Variants in SND1 observed in about 807,000 individuals in gnomAD.
SND1 encodes the protein staphylococcal nuclease and tudor domain containing 1, also known as staphylococcal nuclease domain-containing protein 1.
In SND1, 38 loss-of-function variants were observed where a neutral mutation model predicts 121.7. The observed-to-expected ratio is 0.31, with a 90% CI of 0.24 to 0.41. SND1 has a LOEUF of 0.41. Ranked by LOEUF, SND1 falls within the 10% of genes least tolerant of loss-of-function variation. The pLI, the probability that SND1 is intolerant of heterozygous loss-of-function variation, is 1.00. For missense variants in SND1, 868 were observed against 1,184.6 expected, an observed-to-expected ratio of 0.73 and a Z score of 3.92; for synonymous variants, 401 against 447.4, an observed-to-expected ratio of 0.90 and a Z score of 1.31.
chr7:128,029,119 C>T lies in SND1; in HGVS notation c.1779+38063C>T, dbSNP rs1471897285. On this transcript the variant is annotated intron_variant, in intron 16 of 23. Coordinates refer to ENST00000354725, the MANE Select transcript of SND1 (RefSeq NM_014390.4). This position sits in a 1 kb window ranked among gnomAD's most constrained non-coding sequence, Gnocchi z 4.2. ...TGCATCTTGTCAGTGGTGTCTGTCG[C>T]GGGTACTGCCACCTGCTTGGGCACA... The T allele has an allele frequency of 5.0e-6, 8 of 1,613,978 alleles. No individual in the cohort carries two copies. Among genetic ancestry groups the T allele is most frequent in the East Asian group, 2.2e-5 (1 of 44,898 alleles).
intron 10 of SND1, among the ~76,000 whole-genome samples, chr7:127,794,538 A>T (rs1002206014): frequency 6.6e-6 from 1 of 152,230 alleles, no homozygotes; most frequent in Non-Finnish European, 1.5e-5. Flanking sequence ...ACAAAGAAGC[A>T]TTTCTCTAAC....
chr7:127,866,982 C>T (rs1799490499), intron 12 of SND1, among the ~76,000 whole-genome samples: 2 of 152,256 alleles, frequency 1.3e-5, no homozygotes, highest in Non-Finnish European at 2.9e-5. Context: ...TTCTTTTGTT[C>T]TCCTTGGGAT....
chr7:127,940,913 G>A lies in SND1; in HGVS notation c.1669+11584G>A, dbSNP rs1035554061. ...GAGGAGGCGTCATAGTTTCAGTCCT[G>A]GCACTGGACAGGGCCACTGACCACA... On this transcript the variant is annotated intron_variant, in intron 15 of 23. Coordinates refer to ENST00000354725, the MANE Select transcript of SND1 (RefSeq NM_014390.4). Among the ~76,000 whole-genome samples the A allele has an allele frequency of 5.9e-5, 9 of 152,348 alleles. No homozygotes were observed. The South Asian group carries it at 1.9e-3, about 32-fold the overall frequency.
chr7:127,686,770 T>C lies in SND1; in HGVS notation c.228+8T>C. 1 of 1,609,268 alleles carries C rather than the reference T, an allele frequency of 6.2e-7. No individual in the cohort carries two copies. Among genetic ancestry groups the C allele is most frequent in the South Asian group, 1.1e-5 (1 of 90,898 alleles). On this transcript the variant is annotated splice_region_variant and intron_variant, in intron 2 of 23. Transcript: ENST00000354725. ...AAGGATACCCCTGATGAGGTAGGTG[T>C]TTCCTGAGGCCATCGTGAGCCTGTG...
chr7:128,030,709 G>T, intron 16 of SND1: 1 of 1,499,958 alleles, frequency 6.7e-7, no homozygotes, highest in East Asian at 2.3e-5. Context: ...GCCCTACCCC[G>T]GCTTAAGTGA....
intron 15 of SND1, among the ~76,000 whole-genome samples, chr7:127,953,809 C>G (rs983759608): frequency 2.0e-5 from 3 of 152,194 alleles, no homozygotes; most frequent in Non-Finnish European, 2.9e-5. Context: ...TGGCAATTAT[C>G]ACTTCCTTCT....
chr7:127,885,977 G>C (rs957739939), intron 12 of SND1, among the ~76,000 whole-genome samples: 1 of 152,072 alleles, frequency 6.6e-6, no homozygotes. Flanking sequence ...GGGCCCCTTA[G>C]TGACAACCTT....
intron 13 of SND1, among the ~76,000 whole-genome samples, chr7:127,899,277 A>AACACACAC (rs3840645): frequency 1.3e-5 from 2 of 149,784 alleles, no homozygotes; most frequent in Non-Finnish European, 3.0e-5. Context: ...ACCTGCACAC[A>AACACACAC]ACACACACAC....
intron 13 of SND1, among the ~76,000 whole-genome samples, chr7:127,899,231 TG>T (rs1241538010): frequency 2.0e-5 from 3 of 152,210 alleles, no homozygotes; most frequent in African/African-American, 7.2e-5. Context: ...GAAAGTCATA[TG>T]TTGCAGTTTA....
At position 127,824,022 on chromosome 7, in the gene SND1, G is replaced by A. The variant is rs1197410611; in HGVS notation, c.1242+16449G>A. Among the ~76,000 whole-genome samples the A allele has an allele frequency of 2.0e-5, 3 of 152,128 alleles. No homozygotes were observed. The East Asian group carries it at 5.8e-4, about 29-fold the overall frequency. On this transcript the variant is annotated intron_variant, in intron 11 of 23. Transcript: ENST00000354725. ...GATTTGCGCTGGTATTAAATATTGAGTATGACGACAACAAAATGAAGCAGA... is the reference window on the plus strand; with the variant it reads ...GATTTGCGCTGGTATTAAATATTGAATATGACGACAACAAAATGAAGCAGA...
At chr7:127,719,341 A>G (rs1434279469) in intron 9 of SND1, among the ~76,000 whole-genome samples, 1 of 152,022 alleles carries the variant, frequency 6.6e-6, no homozygotes, top group East Asian at 1.9e-4. Context: ...TTTTTCTTTC[A>G]GTGACTGAAT....
chr7:127,908,366 G>A (rs550376263), intron 14 of SND1, among the ~76,000 whole-genome samples: 9 of 149,486 alleles, frequency 6.0e-5, no homozygotes, highest in South Asian at 2.1e-4. Context: ...GTGTGCGTGC[G>A]TGTTGACCCA....
intron 12 of SND1, among the ~76,000 whole-genome samples, chr7:127,874,315 C>T (rs1158861669): frequency 2.0e-5 from 3 of 152,156 alleles, no homozygotes; most frequent in African/African-American, 7.2e-5. Flanking sequence ...TTGACTGTTA[C>T]ATCCATTGTT....
rs1793067293 is a variant in SND1, at chr7:128,052,688, TC to T, written c.1780-21813del. Among the ~76,000 whole-genome samples, 1 of 152,198 alleles carries T rather than the reference TC, an allele frequency of 6.6e-6. No individual in the cohort carries two copies. The highest frequency in any genetic ancestry group is 2.4e-5 in the African/African-American group (1 of 41,450). ...AACACAACTCGTCCGTCAAGGGAAA[TC>T]AGATGAAATCCATCTCCTTGTCCAA... is the stretch of plus-strand genomic sequence containing the variant. On this transcript the variant is annotated intron_variant, in intron 16 of 23. Transcript: ENST00000354725. This position sits in a 1 kb window ranked among gnomAD's most constrained non-coding sequence, Gnocchi z 4.6.
rs755538123 is a variant in SND1, at chr7:127,703,201, A to C, written c.718A>C (p.Thr240Pro). ...TCGACGGGAAGCAGATGGCAGTGAA[A>C]CTCCAGAGCCTTTTGCTGCAGAAGC... is the stretch of plus-strand genomic sequence containing the variant. ...TFRREADGSE[T>P]PEPFAAEAKF... is the part of the protein sequence containing the mutation. The change falls in exon 7 of 24, where the codon ACT becomes CCT. Residue 240 changes from threonine (T) to proline (P), a missense_variant. Thr to Pro is a conservative substitution (Grantham distance 38). Transcript: ENST00000354725. The C allele has an allele frequency of 6.2e-7, 1 of 1,613,900 alleles. No homozygotes were observed. Among genetic ancestry groups the C allele is most frequent in the Admixed American group, 1.7e-5 (1 of 60,006 alleles).
chr7:127,873,402 G>A (rs2116704172), intron 12 of SND1, among the ~76,000 whole-genome samples: 1 of 152,220 alleles, frequency 6.6e-6, no homozygotes, highest in South Asian at 2.1e-4. Context: ...CGTAATTGGA[G>A]TGGGATTTGC....
At chr7:127,936,740 C>A (rs1015263444) in intron 15 of SND1, among the ~76,000 whole-genome samples, 11 of 151,970 alleles carry the variant, frequency 7.2e-5, no homozygotes, top group Admixed American at 2.6e-4. Flanking sequence ...GAGACAGGGT[C>A]TCAACTGTGT....
intron 15 of SND1, among the ~76,000 whole-genome samples, chr7:127,990,603 A>G (rs778008207): frequency 3.9e-5 from 6 of 152,206 alleles, no homozygotes; most frequent in Non-Finnish European, 5.9e-5. Flanking sequence ...AGATGGCTCA[A>G]GCTGCGAGAC....
intron 15 of SND1, among the ~76,000 whole-genome samples, chr7:127,977,533 G>T (rs536132960): frequency 6.6e-6 from 1 of 152,318 alleles, no homozygotes; most frequent in East Asian, 1.9e-4. Context: ...GCAGAACATT[G>T]TGTTTTAGGA....
Sources: gnomAD v4.1 joint callset for allele counts (sites outside exome capture counted in the v4.1 genomes callset) on GRCh38, gnomAD v4.1.1 for gene constraint, Gnocchi (gnomAD v3.1) non-coding constraint, MANE v1.5 for transcripts, NCBI Gene and HGNC (gene_info 2026-07-23, HGNC 2026-07-21) for gene names.